Variants in NTN1 observed in about 807,000 individuals in gnomAD.
The protein encoded by NTN1 is netrin-1.
Under a neutral mutation model 54.2 loss-of-function variants are expected in NTN1, and 11 were observed. The ratio of observed to expected loss-of-function variants is 0.20; its 90% CI spans 0.13 to 0.34. NTN1 has a LOEUF of 0.34. Ranked by LOEUF, NTN1 falls within the 10% of genes least tolerant of loss-of-function variation. The probability of loss-of-function intolerance (pLI) is 1.00; values close to 1 mark genes in which losing one functional copy is unlikely to be tolerated. For synonymous variants in NTN1, 371 were observed against 382.0 expected, an observed-to-expected ratio of 0.97 and a Z score of 0.33; for missense variants, 740 against 893.1, an observed-to-expected ratio of 0.83 and a Z score of 2.18.
chr17:9,238,133 C>G (rs968981012), intron 6 of NTN1, among the ~76,000 whole-genome samples: 4 of 152,108 alleles, frequency 2.6e-5, no homozygotes, highest in Non-Finnish European at 4.4e-5. Context: ...CAGAGTGGCC[C>G]CCAGAGACGT....
chr17:9,158,185 T>C (rs954780398), intron 2 of NTN1, among the ~76,000 whole-genome samples: 1 of 152,144 alleles, frequency 6.6e-6, no homozygotes, highest in African/African-American at 2.4e-5. Flanking sequence ...GCCCTGCCTT[T>C]TGATGTTTGC....
chr17:9,044,842 A>C (rs17741011), intron 2 of NTN1, among the ~76,000 whole-genome samples: 4,258 of 152,338 alleles, frequency 0.028, 100 homozygotes, highest in Non-Finnish European at 0.047. Context: ...GTGCAAAAGT[A>C]CATAAGGCAA....
At chr17:9,044,984 A>G (rs753562156) in intron 2 of NTN1, among the ~76,000 whole-genome samples, 4 of 152,194 alleles carry the variant, frequency 2.6e-5, no homozygotes, top group Admixed American at 2.6e-4. Flanking sequence ...ATTAACTTGA[A>G]TGGATTATGA....
intron 3 of NTN1, among the ~76,000 whole-genome samples, chr17:9,166,186 C>CCACCACCACCAG (rs2092372794): frequency 7.2e-6 from 1 of 139,600 alleles, no homozygotes; most frequent in Non-Finnish European, 1.5e-5. Context: ...ACCACCACCA[C>CCACCACCACCAG]CACCACCACC....
rs979461154 is a variant in NTN1, at chr17:9,240,045, C to G, written c.*77C>G. 1 of 780,054 alleles carries G rather than the reference C, an allele frequency of 1.3e-6. No individual in the cohort carries two copies. The highest frequency in any genetic ancestry group is 1.6e-6 in the Non-Finnish European group (1 of 641,272). The allele number at this position is 780,054 out of a possible 1,614,324, so 48.3% of individuals were successfully genotyped here. A position where few individuals can be genotyped will look rare whatever the true frequency, so the allele number is the denominator to read the frequency against. On this transcript the variant is annotated 3_prime_UTR_variant, in exon 7 of 7. Transcript: ENST00000173229. ...AGAGCGGGCGCCTTGGCCCGGCCGC[C>G]GCGGACTTGGCCCGCGAGGGCTTTC... is the stretch of plus-strand genomic sequence containing the variant.
chr17:9,075,891 C>A (rs1275417649), intron 2 of NTN1, among the ~76,000 whole-genome samples: 1 of 152,226 alleles, frequency 6.6e-6, no homozygotes, highest in Non-Finnish European at 1.5e-5. Flanking sequence ...ACAGAATCCT[C>A]CATGGAATCT....
At chr17:9,229,791 C>G (rs1311537036) in intron 6 of NTN1, among the ~76,000 whole-genome samples, 2 of 152,120 alleles carry the variant, frequency 1.3e-5, no homozygotes, top group Non-Finnish European at 2.9e-5. Flanking sequence ...AGGAAGCTTC[C>G]AGGAAGACCC....
At chr17:9,166,340 C>CTTT (rs34345156) in intron 3 of NTN1, among the ~76,000 whole-genome samples, 4,068 of 112,992 alleles carry the variant, frequency 0.036, 234 homozygotes, top group Admixed American at 0.053. Flanking sequence ...CAGGCTCTGG[C>CTTT]TTTTTTTTTT....
At chr17:9,158,935 C>A (rs2092350597) in intron 2 of NTN1, among the ~76,000 whole-genome samples, 1 of 152,204 alleles carries the variant, frequency 6.6e-6, no homozygotes, top group East Asian at 1.9e-4. Context: ...GCATCCCACA[C>A]TGCTTTTTCT....
intron 2 of NTN1, among the ~76,000 whole-genome samples, chr17:9,033,730 C>G (rs962658593): frequency 3.9e-5 from 6 of 152,062 alleles, no homozygotes; most frequent in Non-Finnish European, 7.4e-5. Flanking sequence ...CCAGCCAGAC[C>G]AACATGGAGA....
In NTN1 at chr17:9,023,312, G is replaced by A. The variant is rs770079080; in HGVS notation, c.939G>A (p.Pro313=). The change falls in exon 2 of 7, where the codon CCG becomes CCA. Residue 313 remains proline (P), a synonymous_variant. Transcript: ENST00000173229. ...ACTGCAGGCACAACACGGCCGGCCC[G>A]GAGTGCGACCGCTGCAAGCCCTTCC... ...VCDCRHNTAG[P]ECDRCKPFHY... is the part of the protein sequence containing the mutation. 1.9e-6 allele frequency: 3 copies of A among 1,541,216 alleles called. No individual in the cohort carries two copies. The highest frequency in any genetic ancestry group is 2.4e-5 in the East Asian group (1 of 40,964).
chr17:9,144,427 A>G (rs79026646), intron 2 of NTN1, among the ~76,000 whole-genome samples: 5,177 of 152,228 alleles, frequency 0.034, 77 homozygotes, highest in Middle Eastern at 0.044. Flanking sequence ...AGGTGATCAA[A>G]CACACCCAAG....
At chr17:9,148,456 G>A (rs182429158) in intron 2 of NTN1, among the ~76,000 whole-genome samples, 22 of 152,276 alleles carry the variant, frequency 1.4e-4, no homozygotes, top group Admixed American at 7.2e-4. Flanking sequence ...AAACCGTTGC[G>A]TGAAATCGTA....
intron 6 of NTN1, among the ~76,000 whole-genome samples, chr17:9,235,450 T>C (rs1320868241): frequency 7.1e-6 from 1 of 141,838 alleles, no homozygotes; most frequent in Non-Finnish European, 1.6e-5. Flanking sequence ...CAGTGGGAGT[T>C]CAGGCATGCT....
chr17:9,044,423 C>T (rs928752513), intron 2 of NTN1, among the ~76,000 whole-genome samples: 4 of 151,862 alleles, frequency 2.6e-5, no homozygotes, highest in Admixed American at 6.6e-5. Flanking sequence ...TTAGTAGAGA[C>T]GGGGTTTCAC....
chr17:9,220,152 C>A (rs1393299391), intron 5 of NTN1, among the ~76,000 whole-genome samples: 1 of 152,224 alleles, frequency 6.6e-6, no homozygotes, highest in Non-Finnish European at 1.5e-5. Context: ...CTTGGCATCT[C>A]AGGCCAGCCT....
the NTN1 span, among the ~76,000 whole-genome samples, chr17:9,003,479 C>T: frequency 6.6e-6 from 1 of 150,880 alleles, no homozygotes; most frequent in Non-Finnish European, 1.5e-5. This position sits in a 1 kb window ranked among gnomAD's most constrained non-coding sequence, Gnocchi z 7.4. Context: ...CTCCGGGCCG[C>T]GACCCCGGCT....
chr17:9,094,560 T>C (rs1017387098), intron 2 of NTN1, among the ~76,000 whole-genome samples: 1 of 152,206 alleles, frequency 6.6e-6, no homozygotes, highest in African/African-American at 2.4e-5. Context: ...TCTATATGTA[T>C]TGGCAAATTG....
At chr17:9,062,664 A>C (rs2092002525) in intron 2 of NTN1, among the ~76,000 whole-genome samples, 1 of 152,228 alleles carries the variant, frequency 6.6e-6, no homozygotes, top group Non-Finnish European at 1.5e-5. Context: ...AGGCACCTTG[A>C]TTATTACAGA....
Sources: gnomAD v4.1 joint callset for allele counts (sites outside exome capture counted in the v4.1 genomes callset) on GRCh38, gnomAD v4.1.1 for gene constraint, Gnocchi (gnomAD v3.1) non-coding constraint, MANE v1.5 for transcripts, NCBI Gene and HGNC (gene_info 2026-07-23, HGNC 2026-07-21) for gene names.